The following KDM4C variants were observed in gnomAD, a reference collection of about 807,000 sequenced individuals.
The protein encoded by KDM4C is lysine-specific demethylase 4C.
A neutral mutation model predicts 129.3 loss-of-function variants in KDM4C; 81 were observed. That is an observed-to-expected ratio of 0.63 (90% CI 0.52 to 0.75). The LOEUF is 0.75. Among genes scored for constraint, KDM4C ranks in the 30% least tolerant of loss-of-function variants. The pLI is 0.00. For missense variants in KDM4C, 1,457 were observed against 1,304.0 expected (o/e 1.12, Z -1.81); for synonymous variants, 573 against 456.1 (o/e 1.26, Z -3.26).
At position 6,960,946 on chromosome 9, in the gene KDM4C, C is replaced by G. The variant is rs1395940341; in HGVS notation, c.922-19979C>G. 1.3e-5 allele frequency among the ~76,000 whole-genome samples: 2 copies of G among 152,292 alleles called. 1 individual carries two copies. Among genetic ancestry groups the G allele is most frequent in the Middle Eastern group, 6.8e-3 (2 of 294 alleles). ...GACAACCACACAGAAAAATGACATC[C>G]ATACACGCATTGTGAAACAGTAGAC... On this transcript the variant is annotated intron_variant, in intron 8 of 21. Coordinates refer to ENST00000381309, the MANE Select transcript of KDM4C (RefSeq NM_015061.6).
intron 17 of KDM4C, among the ~76,000 whole-genome samples, chr9:7,055,375 A>AT (rs752486563): frequency 2.6e-5 from 4 of 152,232 alleles, no homozygotes; most frequent in Non-Finnish European, 5.9e-5. Flanking sequence ...TGGGCATTCG[A>AT]TGACCTCTGA....
intron 19 of KDM4C, among the ~76,000 whole-genome samples, chr9:7,154,335 A>T (rs1842965527): frequency 6.6e-6 from 1 of 152,160 alleles, no homozygotes; most frequent in Admixed American, 6.5e-5. Flanking sequence ...CCCAAGGGGG[A>T]CTGCCAGAGG....
chr9:6,816,770 C>G (rs1293596900), intron 4 of KDM4C, among the ~76,000 whole-genome samples: 1 of 151,506 alleles, frequency 6.6e-6, no homozygotes, highest in Non-Finnish European at 1.5e-5. Context: ...TGATTTTTTC[C>G]CCTTATGTTC....
intron 8 of KDM4C, among the ~76,000 whole-genome samples, chr9:6,959,975 C>T (rs918844587): frequency 6.6e-6 from 1 of 151,852 alleles, no homozygotes; most frequent in African/African-American, 2.4e-5. Flanking sequence ...CTGTGTAGCC[C>T]GTATGAAAAG....
chr9:7,150,617 A>G (rs1288603774), intron 19 of KDM4C, among the ~76,000 whole-genome samples: 1 of 152,168 alleles, frequency 6.6e-6, no homozygotes, highest in Non-Finnish European at 1.5e-5. Context: ...GCAGGAATGC[A>G]GAGAATCTCT....
intron 18 of KDM4C, among the ~76,000 whole-genome samples, chr9:7,123,432 C>T (rs1206335225): frequency 6.6e-6 from 1 of 152,220 alleles, no homozygotes; most frequent in Non-Finnish European, 1.5e-5. Flanking sequence ...TATCACTCTA[C>T]AGTGCCCCTT....
At chr9:6,998,119 T>A (rs938117695) in intron 12 of KDM4C, among the ~76,000 whole-genome samples, 1 of 152,246 alleles carries the variant, frequency 6.6e-6, no homozygotes, top group Non-Finnish European at 1.5e-5. Context: ...TGTAATGAGC[T>A]GTTAAGCATC....
chr9:6,793,599 G>A (rs1189699329), intron 2 of KDM4C, among the ~76,000 whole-genome samples: 1 of 150,702 alleles, frequency 6.6e-6, no homozygotes, highest in African/African-American at 2.4e-5. Context: ...GAGTGCAATG[G>A]CGTGATCTCG....
chr9:6,735,568 C>A (rs1027211798), intron 1 of KDM4C, among the ~76,000 whole-genome samples: 1 of 152,150 alleles, frequency 6.6e-6, no homozygotes, highest in Non-Finnish European at 1.5e-5. Context: ...GTTTTAAAAA[C>A]CAGAGTTTCC....
intron 1 of KDM4C, among the ~76,000 whole-genome samples, chr9:6,747,789 C>T (rs973498126): frequency 3.1e-4 from 47 of 152,334 alleles, no homozygotes; most frequent in African/African-American, 1.1e-3. Context: ...GAGCAGCCCG[C>T]TCTGATCTAG....
intron 15 of KDM4C, among the ~76,000 whole-genome samples, chr9:7,043,381 A>AT (rs1423030248): frequency 6.6e-6 from 1 of 152,082 alleles, no homozygotes; most frequent in Non-Finnish European, 1.5e-5. Flanking sequence ...TGTATCAGAC[A>AT]TTGTAGATTC....
At chr9:7,033,859 T>A (rs1827191406) in intron 15 of KDM4C, among the ~76,000 whole-genome samples, 1 of 152,196 alleles carries the variant, frequency 6.6e-6, no homozygotes, top group Non-Finnish European at 1.5e-5. Flanking sequence ...CACACCAGGC[T>A]GTGCTTGCCT....
intron 8 of KDM4C, among the ~76,000 whole-genome samples, chr9:6,958,550 G>A (rs1829484516): frequency 6.6e-6 from 1 of 151,622 alleles, no homozygotes; most frequent in South Asian, 2.1e-4. Flanking sequence ...TCGCGCCATT[G>A]CATTCCAGCC....
At chr9:7,039,694 GAA>G (rs1828234925) in intron 15 of KDM4C, among the ~76,000 whole-genome samples, 1 of 152,024 alleles carries the variant, frequency 6.6e-6, no homozygotes, top group Admixed American at 6.6e-5. Context: ...CTAGGGAAAA[GAA>G]AATGTTATTA....
chr9:7,039,313 T>A (rs1481518860), intron 15 of KDM4C, among the ~76,000 whole-genome samples: 1 of 152,040 alleles, frequency 6.6e-6, no homozygotes, highest in South Asian at 2.1e-4. Flanking sequence ...GCTCTGTCTT[T>A]CTCCTCTCTA....
At position 7,052,104 on chromosome 9, in the gene KDM4C, C is replaced by G. The variant is rs779645335; in HGVS notation, c.2424+2904C>G. On this transcript the variant is annotated intron_variant, in intron 17 of 21. Coordinates refer to ENST00000381309, the MANE Select transcript of KDM4C (RefSeq NM_015061.6). ...TTGGTTGGAAGAACTGAATTCAAGACTGACAGAACAGAAATTGTTAAATGT... is the reference window on the plus strand; with the variant it reads ...TTGGTTGGAAGAACTGAATTCAAGAGTGACAGAACAGAAATTGTTAAATGT... Among the ~76,000 whole-genome samples, 45 of 152,312 alleles carry G rather than the reference C, an allele frequency of 3.0e-4. No homozygotes were observed. In the Middle Eastern group the frequency reaches 0.017, roughly 58 times the overall value.
At chr9:6,936,959 G>A (rs977490612) in intron 8 of KDM4C, among the ~76,000 whole-genome samples, 14 of 152,108 alleles carry the variant, frequency 9.2e-5, no homozygotes, top group Admixed American at 7.8e-4. Flanking sequence ...TTATTGACTT[G>A]GTTTTAGTTA....
chr9:6,754,989 G>C (rs1818194269), upstream of KDM4C, among the ~76,000 whole-genome samples: 1 of 151,736 alleles, frequency 6.6e-6, no homozygotes, highest in South Asian at 2.1e-4. Context: ...TGTAATCTCA[G>C]CACTTTTGGA....
intron 2 of KDM4C, among the ~76,000 whole-genome samples, chr9:6,797,387 ACAGT>A (rs1195531568): frequency 6.6e-6 from 1 of 152,210 alleles, no homozygotes; most frequent in African/African-American, 2.4e-5. Flanking sequence ...GCTTCAGATG[ACAGT>A]CTGTCTTGGT....
Sources: gnomAD v4.1 joint callset for allele counts (sites outside exome capture counted in the v4.1 genomes callset) on GRCh38, gnomAD v4.1.1 for gene constraint, MANE v1.5 for transcripts, NCBI Gene and HGNC (gene_info 2026-07-23, HGNC 2026-07-21) for gene names.